The following UBE2R2 variants were observed in gnomAD, a reference collection of about 807,000 sequenced individuals.
UBE2R2 encodes the protein ubiquitin-conjugating enzyme E2 R2.
Under a neutral mutation model 27.8 loss-of-function variants are expected in UBE2R2, and 1 was observed. That is an observed-to-expected ratio of 0.04 (90% confidence interval 0.01 to 0.17). UBE2R2 has a LOEUF of 0.17. Ranked by LOEUF, UBE2R2 falls within the 10% of genes least tolerant of loss-of-function variation. UBE2R2 has a pLI of 1.00. For missense variants in UBE2R2, 100 were observed against 291.0 expected (o/e 0.34, Z 4.78); for synonymous variants, 106 against 113.3 (o/e 0.94, Z 0.41).
At chr9:33,841,239 C>G (rs1299763043) in intron 1 of UBE2R2, among the ~76,000 whole-genome samples, 1 of 152,144 alleles carries the variant, frequency 6.6e-6, no homozygotes, top group Non-Finnish European at 1.5e-5. Context: ...GCCACCATGC[C>G]TGGCTAATTT....
At chr9:33,827,696 C>T (rs10971721) in intron 1 of UBE2R2, among the ~76,000 whole-genome samples, 11,999 of 151,650 alleles carry the variant, frequency 0.079, 685 homozygotes, top group Non-Finnish European at 0.12. Flanking sequence ...TCAGGCTCGG[C>T]GTGGTGACCC....
chr9:33,915,348 C>T (rs539548997), intron 4 of UBE2R2, among the ~76,000 whole-genome samples: 37 of 152,076 alleles, frequency 2.4e-4, no homozygotes, highest in African/African-American at 7.5e-4. Flanking sequence ...ATGCAGTCTA[C>T]CTCTGCATAT....
intron 1 of UBE2R2, among the ~76,000 whole-genome samples, chr9:33,851,457 G>C (rs1820965263): frequency 6.6e-6 from 1 of 152,140 alleles, no homozygotes; most frequent in Admixed American, 6.6e-5. Context: ...TGTTTGTGTA[G>C]TCTCTTTCAG....
chr9:33,896,695 G>A (rs1477909110), intron 2 of UBE2R2, among the ~76,000 whole-genome samples: 3 of 151,198 alleles, frequency 2.0e-5, no homozygotes, highest in Admixed American at 6.6e-5. Flanking sequence ...TGATCTGCCC[G>A]CCTTGGCCTT....
chr9:33,820,131 G>C (rs1334812438), intron 1 of UBE2R2, among the ~76,000 whole-genome samples: 2 of 152,186 alleles, frequency 1.3e-5, no homozygotes, highest in Non-Finnish European at 2.9e-5. Flanking sequence ...AACAAAACTT[G>C]TACATGAGAG....
intron 1 of UBE2R2, among the ~76,000 whole-genome samples, chr9:33,886,511 C>T (rs914866099): frequency 7.9e-5 from 12 of 151,930 alleles, no homozygotes; most frequent in African/African-American, 2.4e-4. Context: ...AAAAATTAGC[C>T]GGACGTGGTG....
chr9:33,873,714 C>T (rs1587461044), intron 1 of UBE2R2, among the ~76,000 whole-genome samples: 1 of 152,120 alleles, frequency 6.6e-6, no homozygotes, highest in African/African-American at 2.4e-5. Context: ...CATCATGGCT[C>T]ACTGCATACT....
intron 1 of UBE2R2, among the ~76,000 whole-genome samples, chr9:33,857,981 T>C (rs1417069283): frequency 6.6e-6 from 1 of 152,230 alleles, no homozygotes; most frequent in African/African-American, 2.4e-5. Context: ...AAAGTCCTTA[T>C]TACTGTAAGG....
intron 1 of UBE2R2, among the ~76,000 whole-genome samples, chr9:33,839,155 A>G (rs1219384155): frequency 6.6e-6 from 1 of 151,884 alleles, no homozygotes; most frequent in African/African-American, 2.4e-5. Context: ...ATAATCCCCA[A>G]TGTGATAGTA....
intron 3 of UBE2R2, among the ~76,000 whole-genome samples, chr9:33,902,800 T>C (rs1426547241): frequency 2.0e-5 from 3 of 152,160 alleles, no homozygotes; most frequent in Admixed American, 6.6e-5. Flanking sequence ...AAATTAGTAT[T>C]AAAAATTCTG....
chr9:33,841,654 A>G (rs1820735896), intron 1 of UBE2R2, among the ~76,000 whole-genome samples: 1 of 152,138 alleles, frequency 6.6e-6, no homozygotes, highest in Non-Finnish European at 1.5e-5. Flanking sequence ...ATATATATGT[A>G]TATGTGTATA....
intron 2 of UBE2R2, among the ~76,000 whole-genome samples, chr9:33,899,477 C>T (rs183125654): frequency 2.6e-5 from 4 of 152,226 alleles, no homozygotes; most frequent in East Asian, 3.9e-4. Flanking sequence ...CAGGTTCAAG[C>T]GATTCTCCTG....
intron 2 of UBE2R2, among the ~76,000 whole-genome samples, chr9:33,887,972 G>A (rs1014481091): frequency 6.6e-6 from 1 of 152,212 alleles, no homozygotes; most frequent in African/African-American, 2.4e-5. Flanking sequence ...ACCGCGCCTG[G>A]CCTACTATTC....
intron 1 of UBE2R2, among the ~76,000 whole-genome samples, chr9:33,847,814 G>A (rs12380194): frequency 6.9e-6 from 1 of 144,782 alleles, no homozygotes. Flanking sequence ...GTGCAATGAC[G>A]TGATCTTGGC....
chr9:33,899,531 C>T (rs766675494), intron 2 of UBE2R2, among the ~76,000 whole-genome samples: 5 of 152,174 alleles, frequency 3.3e-5, no homozygotes, highest in South Asian at 2.1e-4. Flanking sequence ...AGTGCTACCA[C>T]GCCCGGCTAA....
At chr9:33,884,335 A>G (rs1379503258) in intron 1 of UBE2R2, among the ~76,000 whole-genome samples, 11 of 139,830 alleles carry the variant, frequency 7.9e-5, no homozygotes, top group African/African-American at 3.0e-4. Context: ...CCCAGCCCTG[A>G]GTGCAGTGGT....
At chr9:33,904,942 G>T (rs1035564481) in intron 3 of UBE2R2, among the ~76,000 whole-genome samples, 16 of 152,298 alleles carry the variant, frequency 1.1e-4, no homozygotes, top group African/African-American at 3.8e-4. Context: ...GCCTCTTCCT[G>T]ATGGAGGAAA....
At chr9:33,897,845 G>A (rs1002100483) in intron 2 of UBE2R2, among the ~76,000 whole-genome samples, 1 of 141,420 alleles carries the variant, frequency 7.1e-6, no homozygotes, top group African/African-American at 2.7e-5. Flanking sequence ...GCACAATCTC[G>A]GTTCACCACA....
At chr9:33,895,254 A>AT (rs1332992455) in intron 2 of UBE2R2, among the ~76,000 whole-genome samples, 1 of 152,046 alleles carries the variant, frequency 6.6e-6, no homozygotes, top group African/African-American at 2.4e-5. Context: ...GTTCAGTTGC[A>AT]TTTTTTTGTT....
Sources: allele counts gnomAD v4.1 joint callset (sites outside exome capture counted in the v4.1 genomes callset), GRCh38; gene constraint gnomAD v4.1.1; transcripts MANE v1.5; gene names NCBI Gene and HGNC (gene_info 2026-07-23, HGNC 2026-07-21).